Variants in DMD observed in about 807,000 individuals in gnomAD.
DMD encodes the protein mutant dystrophin.
A neutral mutation model predicts 330.1 loss-of-function variants in DMD; 63 were observed. The observed-to-expected ratio is 0.19, with a 90% CI of 0.16 to 0.24. DMD has a LOEUF of 0.24. Ranked by LOEUF, DMD falls within the 10% of genes least tolerant of loss-of-function variation. DMD has a pLI of 1.00. For missense variants in DMD, 3,344 were observed against 2,684.1 expected (o/e 1.25, Z -5.43); for synonymous variants, 1,223 against 959.8 (o/e 1.27, Z -5.07).
chrX:31,425,902 C>G (rs2063692064), intron 60 of DMD, among the ~76,000 whole-genome samples: 1 of 111,580 alleles, frequency 9.0e-6, no homozygotes, highest in Admixed American at 9.6e-5. Flanking sequence ...GTCTGATGGT[C>G]TTTGGACTTC....
intron 1 of DMD, among the ~76,000 whole-genome samples, chrX:33,293,084 G>A: frequency 9.0e-6 from 1 of 111,295 alleles, no homozygotes; most frequent in Non-Finnish European, 1.9e-5. Context: ...CTCACTATAG[G>A]TTATGTGATT....
intron 17 of DMD, among the ~76,000 whole-genome samples, chrX:32,525,891 T>C (rs765306122): frequency 8.9e-6 from 1 of 112,266 alleles, no homozygotes; most frequent in South Asian, 3.7e-4. Flanking sequence ...AAGACTTATT[T>C]TCAATGCCAT....
At chrX:32,444,922 T>C (rs1378103962) in intron 27 of DMD, among the ~76,000 whole-genome samples, 1 of 111,009 alleles carries the variant, frequency 9.0e-6, no homozygotes. Flanking sequence ...GCTGTTGGTA[T>C]GGCCAAGAAG....
At chrX:32,229,543 C>T (rs1338657883) in intron 43 of DMD, among the ~76,000 whole-genome samples, 1 of 104,175 alleles carries the variant, frequency 9.6e-6, no homozygotes, top group Non-Finnish European at 2.0e-5. Context: ...TAATCCCTCC[C>T]CTCTTTAATA....
chrX:32,655,596 T>G (rs1419990027), intron 9 of DMD, among the ~76,000 whole-genome samples: 1 of 112,106 alleles, frequency 8.9e-6, no homozygotes, highest in Non-Finnish European at 1.9e-5. Flanking sequence ...GATGTGGTGC[T>G]GAGAAGAATG....
At chrX:33,176,454 A>G (rs1289558086) in intron 1 of DMD, among the ~76,000 whole-genome samples, 1 of 109,803 alleles carries the variant, frequency 9.1e-6, no homozygotes, top group African/African-American at 3.3e-5. Flanking sequence ...ACGTATAATT[A>G]TATTGTCAAC....
intron 15 of DMD, among the ~76,000 whole-genome samples, chrX:32,568,798 C>A (rs1018719867): frequency 5.4e-5 from 6 of 111,240 alleles, no homozygotes; most frequent in Non-Finnish European, 7.5e-5. Context: ...GAAAGAAAAT[C>A]CATGATGGGG....
intron 41 of DMD, among the ~76,000 whole-genome samples, chrX:32,332,121 T>C (rs1471935659): frequency 9.0e-6 from 1 of 111,708 alleles, no homozygotes; most frequent in Non-Finnish European, 1.9e-5. Flanking sequence ...CACAAGAAAT[T>C]TTGCAAGTTT....
intron 47 of DMD, among the ~76,000 whole-genome samples, chrX:31,899,505 T>G (rs1393034004): frequency 1.8e-5 from 2 of 110,931 alleles, no homozygotes; most frequent in Non-Finnish European, 3.8e-5. Context: ...CGTGTGAAAA[T>G]TGAAGAAAAT....
At chrX:31,579,652 A>G (rs1217685574) in intron 55 of DMD, among the ~76,000 whole-genome samples, 2 of 112,579 alleles carry the variant, frequency 1.8e-5, no homozygotes, top group Non-Finnish European at 3.7e-5. Flanking sequence ...GGGAATTATC[A>G]CTTAAGGCTA....
chrX:32,589,402 G>A (rs2054636928), intron 13 of DMD, among the ~76,000 whole-genome samples: 1 of 110,255 alleles, frequency 9.1e-6, no homozygotes. Context: ...GTAAGCATGT[G>A]CACTCTATCT....
chrX:32,591,109 C>G (rs146932104), intron 13 of DMD, among the ~76,000 whole-genome samples: 1 of 111,080 alleles, frequency 9.0e-6, no homozygotes, highest in Admixed American at 9.6e-5. Flanking sequence ...TATTCTCTCC[C>G]CAGCCTTCCA....
At chrX:32,724,552 A>T (rs1466112903) in intron 7 of DMD, among the ~76,000 whole-genome samples, 1 of 111,849 alleles carries the variant, frequency 8.9e-6, no homozygotes, top group Non-Finnish European at 1.9e-5. Context: ...CTCTGAAACA[A>T]TAAATCAACC....
chrX:32,807,885 C>A (rs2077076425), intron 7 of DMD, among the ~76,000 whole-genome samples: 1 of 111,686 alleles, frequency 9.0e-6, no homozygotes. Flanking sequence ...AAGGATAGGA[C>A]ACACACAAGA....
At chrX:31,503,484 A>G (rs1166781210) in intron 56 of DMD, among the ~76,000 whole-genome samples, 2 of 112,073 alleles carry the variant, frequency 1.8e-5, no homozygotes, top group Non-Finnish European at 3.8e-5. Context: ...CTACTCTACC[A>G]TACTCACATA....
At chrX:31,199,333 G>A (rs1268093598) in intron 67 of DMD, among the ~76,000 whole-genome samples, 1 of 112,337 alleles carries the variant, frequency 8.9e-6, no homozygotes, top group East Asian at 2.8e-4. Context: ...CAGTAAATGT[G>A]TTGACTGCAA....
intron 27 of DMD, among the ~76,000 whole-genome samples, chrX:32,447,042 G>A (rs773967995): frequency 9.0e-6 from 1 of 110,580 alleles, no homozygotes; most frequent in South Asian, 3.7e-4. Flanking sequence ...AATGAATCAC[G>A]GAGTATCATT....
chrX:32,560,195 A>AAAT (rs1556797152), intron 16 of DMD, among the ~76,000 whole-genome samples: 2 of 108,156 alleles, frequency 1.8e-5, no homozygotes, highest in African/African-American at 3.4e-5. Flanking sequence ...TGAAAAAAAA[A>AAAT]ATATATATAT....
chrX:31,690,946 C>T (rs1452706439), intron 52 of DMD, among the ~76,000 whole-genome samples: 1 of 109,810 alleles, frequency 9.1e-6, no homozygotes, highest in South Asian at 4.1e-4. Context: ...GGAAGGGGAA[C>T]ATCACACACC....
Sources: gnomAD v4.1 joint callset for allele counts (sites outside exome capture counted in the v4.1 genomes callset) on GRCh38, gnomAD v4.1.1 for gene constraint, MANE v1.5 for transcripts, NCBI Gene and HGNC (gene_info 2026-07-23, HGNC 2026-07-21) for gene names.